BLNK: variants seen among roughly 807,000 people sequenced by gnomAD.
BLNK encodes the protein B cell linker, also known as B-cell linker protein.
BLNK carries 29 observed loss-of-function variants against 73.5 expected under a neutral mutation model. The ratio of observed to expected loss-of-function variants is 0.39; its 90% CI spans 0.29 to 0.54. The LOEUF is 0.54. Ranked by LOEUF, BLNK falls within the 20% of genes least tolerant of loss-of-function variation. The pLI is 0.61. For missense variants in BLNK, 460 were observed against 562.8 expected (o/e 0.82, Z 1.85); for synonymous variants, 176 against 200.8 (o/e 0.88, Z 1.04).
chr10:96,229,573 C>G (rs913545800), intron 4 of BLNK, among the ~76,000 whole-genome samples: 6 of 152,016 alleles, frequency 3.9e-5, no homozygotes, highest in African/African-American at 1.2e-4. Flanking sequence ...CTTGTGTGCT[C>G]TTTTTCATCC....
In BLNK at chr10:96,207,064, GA is replaced by G. The variant is rs782091679; in HGVS notation, c.775-12del. The G allele has an allele frequency of 1.9e-6, 3 of 1,611,054 alleles. No homozygotes were observed. Among genetic ancestry groups the G allele is most frequent in the Admixed American group, 3.3e-5 (2 of 59,726 alleles). ...AGAGGCAACTGGAGTCTATGTAAAA[GA>G]AAAAAAGGCAAGGTTATTCAATATA... is the stretch of plus-strand genomic sequence containing the variant. On this transcript the variant is annotated splice_polypyrimidine_tract_variant and intron_variant, in intron 10 of 16. Coordinates refer to ENST00000224337, the MANE Select transcript of BLNK (RefSeq NM_013314.4).
At position 96,271,530 on chromosome 10, in the gene BLNK, G is replaced by A; in HGVS notation, c.-132C>T. ...GGCCACTCAAGTCTGATTTCTGAGAGTGCAGGCTGCTGGCAAACACCCCTG... is the reference window on the plus strand; with the variant it reads ...GGCCACTCAAGTCTGATTTCTGAGAATGCAGGCTGCTGGCAAACACCCCTG... On this transcript the variant is annotated 5_prime_UTR_variant, in exon 1 of 17. Transcript: ENST00000224337. 1.1e-6 allele frequency: 1 copy of A among 922,186 alleles called. No homozygotes were observed. The allele number at this position is 922,186 out of a possible 1,614,324, so 57.1% of individuals were successfully genotyped here. A position where few individuals can be genotyped will look rare whatever the true frequency, so the allele number is the denominator to read the frequency against.
intron 1 of BLNK, among the ~76,000 whole-genome samples, chr10:96,269,524 A>G (rs569851231): frequency 2.6e-5 from 4 of 151,062 alleles, no homozygotes; most frequent in Admixed American, 2.0e-4. Flanking sequence ...CTTCCTTCTC[A>G]CTGCCATGTC....
chr10:96,203,127 T>A (rs1237306305), intron 13 of BLNK, among the ~76,000 whole-genome samples: 1 of 152,232 alleles, frequency 6.6e-6, no homozygotes, highest in Non-Finnish European at 1.5e-5. Context: ...CGTTCATCCT[T>A]GTATCTCCTG....
chr10:96,244,387 A>C (rs1554907083), intron 2 of BLNK, among the ~76,000 whole-genome samples: 1 of 152,212 alleles, frequency 6.6e-6, no homozygotes, highest in African/African-American at 2.4e-5. Context: ...CCCCCAAATA[A>C]TCTCAGAATA....
At chr10:96,227,713 G>T in intron 4 of BLNK, 147 bp from the exon 5 acceptor site, 1 of 1,234,716 alleles carries the variant, frequency 8.1e-7, no homozygotes, top group Non-Finnish European at 1.2e-6. Flanking sequence ...GCCGATAAGA[G>T]GCAAAGCTGG....
chr10:96,248,063 C>A (rs1313090705), intron 1 of BLNK, among the ~76,000 whole-genome samples: 2 of 152,162 alleles, frequency 1.3e-5, no homozygotes, highest in Non-Finnish European at 2.9e-5. Flanking sequence ...ATAGTCAAGA[C>A]CCTCCACTGG....
At chr10:96,215,508 G>A in intron 7 of BLNK, 119 bp from the exon 8 acceptor site, 1 of 892,448 alleles carries the variant, frequency 1.1e-6, no homozygotes, top group East Asian at 2.8e-5. Context: ...CAGAGAATTT[G>A]CAAAGAATGG....
chr10:96,215,613 A>C (rs1427716493), intron 7 of BLNK, among the ~76,000 whole-genome samples: 1 of 152,190 alleles, frequency 6.6e-6, no homozygotes. Flanking sequence ...TCATAATTTG[A>C]TATATTATTA....
intron 1 of BLNK, among the ~76,000 whole-genome samples, chr10:96,258,359 G>A (rs1172121444): frequency 1.3e-5 from 2 of 152,152 alleles, no homozygotes; most frequent in Admixed American, 6.5e-5. Context: ...GATCATGAGT[G>A]TCTCAGACTA....
intron 1 of BLNK, among the ~76,000 whole-genome samples, chr10:96,253,414 G>A (rs1436502929): frequency 6.6e-6 from 1 of 152,158 alleles, no homozygotes; most frequent in Non-Finnish European, 1.5e-5. Flanking sequence ...AATAAGTGCC[G>A]AATGCCTTGC....
At chr10:96,266,873 A>G (rs1844028440) in intron 1 of BLNK, among the ~76,000 whole-genome samples, 1 of 152,190 alleles carries the variant, frequency 6.6e-6, no homozygotes, top group Non-Finnish European at 1.5e-5. Context: ...CTTTTTATTG[A>G]CTTGGTATAC....
intron 7 of BLNK, chr10:96,216,093 T>G (rs946491129): frequency 1.2e-5 from 2 of 173,888 alleles, no homozygotes; most frequent in Non-Finnish European, 2.5e-5. Flanking sequence ...GTGACTATAT[T>G]CAGAGTAAAC....
At chr10:96,256,010 T>C (rs544810842) in intron 1 of BLNK, among the ~76,000 whole-genome samples, 1 of 152,286 alleles carries the variant, frequency 6.6e-6, no homozygotes, top group East Asian at 1.9e-4. Context: ...AACAGCTCGA[T>C]GATAGAAAAT....
At chr10:96,212,922 A>T (rs1045614409) in intron 8 of BLNK, among the ~76,000 whole-genome samples, 1 of 152,192 alleles carries the variant, frequency 6.6e-6, no homozygotes, top group Non-Finnish European at 1.5e-5. Flanking sequence ...AAATTATTTC[A>T]CTTCTTCCCC....
chr10:96,225,366 G>T (rs1455578103), intron 5 of BLNK, among the ~76,000 whole-genome samples: 1 of 152,086 alleles, frequency 6.6e-6, no homozygotes, highest in Admixed American at 6.5e-5. Context: ...TTAGGCCCTC[G>T]CCTCTATGCT....
chr10:96,244,077 A>C (rs1464691085), intron 2 of BLNK, among the ~76,000 whole-genome samples: 1 of 152,226 alleles, frequency 6.6e-6, no homozygotes, highest in Non-Finnish European at 1.5e-5. Context: ...TGCAAAAATA[A>C]CAATATGTAT....
At chr10:96,199,039 G>A (rs1327192355) in intron 15 of BLNK, among the ~76,000 whole-genome samples, 1 of 152,172 alleles carries the variant, frequency 6.6e-6, no homozygotes, top group Non-Finnish European at 1.5e-5. Flanking sequence ...AGGGAATAAT[G>A]TAAACACGAT....
At chr10:96,261,017 G>C (rs1314600958) in intron 1 of BLNK, among the ~76,000 whole-genome samples, 1 of 151,742 alleles carries the variant, frequency 6.6e-6, no homozygotes, top group Non-Finnish European at 1.5e-5. Flanking sequence ...CTAATTTTTT[G>C]TATTTTTTGT....
Sources: gnomAD v4.1 joint callset for allele counts (sites outside exome capture counted in the v4.1 genomes callset) on GRCh38, gnomAD v4.1.1 for gene constraint, MANE v1.5 for transcripts, NCBI Gene and HGNC (gene_info 2026-07-23, HGNC 2026-07-21) for gene names.